The following MGAM variants were observed in gnomAD, a reference collection of about 807,000 sequenced individuals.
The protein encoded by MGAM is alpha-1,4-glucosidase.
In MGAM, 253 loss-of-function variants were observed where a neutral mutation model predicts 358.8. The observed-to-expected ratio is 0.71, with a 90% confidence interval of 0.64 to 0.78. The LOEUF (loss-of-function observed/expected upper bound fraction) is 0.78. MGAM is among the 30% of genes least tolerant of loss of function. The pLI, the probability that MGAM is intolerant of heterozygous loss-of-function variation, is 0.00. For synonymous variants in MGAM, 1,105 were observed against 1,227.1 expected (o/e 0.90, Z 2.08); for missense variants, 3,080 against 3,432.6 (o/e 0.90, Z 2.57).
intron 9 of MGAM, 87 bp from the exon 10 acceptor site, chr7:142,027,523 A>G: frequency 7.2e-7 from 1 of 1,390,570 alleles, no homozygotes; most frequent in Non-Finnish European, 1.0e-6. Context: ...GAAATGGACT[A>G]TGTTTGGTGC....
chr7:142,009,635 A>T (rs1420119892), intron 3 of MGAM, among the ~76,000 whole-genome samples: 1 of 152,178 alleles, frequency 6.6e-6, no homozygotes, highest in Non-Finnish European at 1.5e-5. Context: ...ATCAAGATTG[A>T]AGTTCAATAA....
chr7:142,066,200 G>A (rs974779630), intron 40 of MGAM, among the ~76,000 whole-genome samples: 3 of 145,658 alleles, frequency 2.1e-5, no homozygotes, highest in African/African-American at 4.9e-5. Context: ...GGGCTCAAGC[G>A]ATCCACTCGA....
In MGAM at chr7:142,040,676, C is replaced by A. The variant is rs953761450; in HGVS notation, c.2374-46C>A. On this transcript the variant is annotated intron_variant, in intron 20 of 70. Coordinates refer to ENST00000475668, the MANE Select transcript of MGAM (RefSeq NM_001365693.1). ...AGGCATGTAGATAATCAGTGAAGGG[C>A]AATATGCTGTCATGCCAATGTGTTT... The A allele has an allele frequency of 5.6e-6, 9 of 1,604,538 alleles. No homozygotes were observed. The African/African-American group carries it at 9.4e-5, about 17-fold the overall frequency.
intron 37 of MGAM, among the ~76,000 whole-genome samples, chr7:142,065,116 G>T (rs554426704): frequency 6.5e-4 from 99 of 152,196 alleles, no homozygotes; most frequent in African/African-American, 2.2e-3. Context: ...CTCCAGTGAG[G>T]CTGCTACAGT....
rs146424332 is a variant in MGAM at position 142,082,146 on chromosome 7, C to T, written c.6107C>T (p.Thr2036Met). The change falls in exon 51 of 71, where the codon ACG becomes ATG. Residue 2036 changes from threonine to methionine, a missense_variant. Coordinates refer to ENST00000475668, the MANE Select transcript of MGAM (RefSeq NM_001365693.1). Reference sequence around the variant, plus strand: ...TATGGCTTTGGGGAGACTGAGCACACGTCCTACAGGAGAGACTTGGAGTGG... The same window carrying T: ...TATGGCTTTGGGGAGACTGAGCACATGTCCTACAGGAGAGACTTGGAGTGG... ...YLYGFGETEHTSYRRDLEWHT... is the reference protein window; with the variant it reads ...YLYGFGETEHMSYRRDLEWHT... 11,931 of 1,555,620 alleles carry T rather than the reference C, an allele frequency of 7.7e-3. 1,790 individuals carry two copies. The South Asian group carries it at 0.084, about 11-fold the overall frequency.
chr7:142,056,238 C>G, intron 29 of MGAM, 142 bp downstream of exon 29: 1 of 781,232 alleles, frequency 1.3e-6, no homozygotes, highest in East Asian at 2.7e-5. Flanking sequence ...TTGTGTTTAG[C>G]CTTTCTGTTT....
rs577485415 is a variant in MGAM, at chr7:142,075,731, G to A, written c.5276-472G>A. Among the ~76,000 whole-genome samples the A allele has an allele frequency of 3.4e-4, 49 of 146,074 alleles. 3 individuals carry two copies. The highest frequency in any genetic ancestry group is 1.2e-3 in the African/African-American group (48 of 41,174). On this transcript the variant is annotated intron_variant, in intron 45 of 70. Transcript: ENST00000475668. ...ACAGGTATGCAAGTCAAAAATCACAGCGAGATGTCACCTCACACCTGTTAG... is the reference window on the plus strand; with the variant it reads ...ACAGGTATGCAAGTCAAAAATCACAACGAGATGTCACCTCACACCTGTTAG...
chr7:142,017,345 C>T (rs1037144756), intron 3 of MGAM, among the ~76,000 whole-genome samples: 5 of 152,070 alleles, frequency 3.3e-5, no homozygotes, highest in Non-Finnish European at 5.9e-5. Flanking sequence ...CCATCATTTT[C>T]TGTAGTTTCT....
Position 142,034,789 on chromosome 7 carries a change from T to C in MGAM, c.1907T>C (p.Leu636Pro). The change falls in exon 16 of 71, where the codon CTG (leucine) becomes CCG (proline). Residue 636 changes from leucine to proline, a missense_variant. Leu to Pro is a moderately conservative substitution (Grantham distance 98). Around this residue, in one of 5 missense-constraint regions of MGAM, gnomAD observed 1,816 missense variants for 1,840.5 expected, o/e 0.99. Coordinates refer to ENST00000475668, the MANE Select transcript of MGAM (RefSeq NM_001365693.1). Reference protein sequence around the residue: ...LGDNTATWDDLRWSIPGVLEF... With the variant: ...LGDNTATWDDPRWSIPGVLEF... ...GACAACACTGCCACCTGGGATGACCTGAGATGGTCCATCCCTGGCGTGCTT... is the reference window on the plus strand; with the variant it reads ...GACAACACTGCCACCTGGGATGACCCGAGATGGTCCATCCCTGGCGTGCTT... 2 of 1,613,442 alleles carry C rather than the reference T, an allele frequency of 1.2e-6. No homozygotes were observed. The highest frequency in any genetic ancestry group is 1.7e-6 in the Non-Finnish European group (2 of 1,179,520).
At chr7:142,064,997 C>A (rs1046109509) in intron 37 of MGAM, among the ~76,000 whole-genome samples, 1 of 152,170 alleles carries the variant, frequency 6.6e-6, no homozygotes, top group African/African-American at 2.4e-5. Context: ...AGTATGAATT[C>A]TTCTAAGAGG....
At chr7:142,068,568 C>T in intron 42 of MGAM, 79 bp from the exon 43 acceptor site, 1 of 1,141,910 alleles carries the variant, frequency 8.8e-7, no homozygotes, top group Non-Finnish European at 1.3e-6. Flanking sequence ...ACAATTATTT[C>T]ACCTCTTTCC....
intron 3 of MGAM, among the ~76,000 whole-genome samples, chr7:142,010,191 T>C (rs1805493815): frequency 6.6e-6 from 1 of 152,054 alleles, no homozygotes; most frequent in Non-Finnish European, 1.5e-5. Context: ...AGACTCTTCT[T>C]TGGAGAGAAT....
chr7:142,072,023 A>C (rs954331456), intron 44 of MGAM, among the ~76,000 whole-genome samples: 4 of 145,970 alleles, frequency 2.7e-5, no homozygotes, highest in African/African-American at 9.7e-5. Context: ...TATGATACTA[A>C]TGGGAAATAT....
intron 2 of MGAM, among the ~76,000 whole-genome samples, chr7:141,989,131 GGA>G (rs141287011): frequency 1.2e-4 from 18 of 148,020 alleles, no homozygotes; most frequent in Middle Eastern, 3.5e-3. Context: ...AGAGAAAGAG[GGA>G]GAGAGAGAGA....
At chr7:142,015,692 T>G (rs1805910459) in intron 3 of MGAM, among the ~76,000 whole-genome samples, 1 of 152,110 alleles carries the variant, frequency 6.6e-6, no homozygotes, top group African/African-American at 2.4e-5. Flanking sequence ...CAATATATTT[T>G]TAAATTATAA....
intron 22 of MGAM, among the ~76,000 whole-genome samples, chr7:142,049,721 A>G (rs1810756037): frequency 6.6e-6 from 1 of 152,216 alleles, no homozygotes; most frequent in South Asian, 2.1e-4. Flanking sequence ...TAAGTGACAC[A>G]GGTATGCAAA....
intron 8 of MGAM, among the ~76,000 whole-genome samples, chr7:142,026,591 TGGGCCCTTA>T (rs781960383): frequency 1.6e-4 from 24 of 152,140 alleles, no homozygotes; most frequent in Admixed American, 4.6e-4. Context: ...GAAAGATAAA[TGGGCCCTTA>T]GGAGAGTAGG....
At chr7:142,100,209 G>A (rs1816319710) in intron 67 of MGAM, among the ~76,000 whole-genome samples, 1 of 152,166 alleles carries the variant, frequency 6.6e-6, no homozygotes, top group Non-Finnish European at 1.5e-5. Context: ...GCATTTCCAT[G>A]TGGAAATTAT....
chr7:142,025,522 G>T (rs1806879677), intron 8 of MGAM, among the ~76,000 whole-genome samples: 1 of 152,212 alleles, frequency 6.6e-6, no homozygotes, highest in Non-Finnish European at 1.5e-5. Context: ...TAGGGGAAGA[G>T]AAGATGTATC....
Sources: gnomAD v4.1 joint callset for allele counts (sites outside exome capture counted in the v4.1 genomes callset) on GRCh38, gnomAD v4.1.1 for gene constraint, gnomAD v4.1.1 regional missense constraint, MANE v1.5 for transcripts, NCBI Gene and HGNC (gene_info 2026-07-23, HGNC 2026-07-21) for gene names.